The following OSTC variants were observed in gnomAD, a reference collection of about 807,000 sequenced individuals.
OSTC encodes oligosaccharyltransferase complex non-catalytic subunit.
A neutral mutation model predicts 16.4 loss-of-function variants in OSTC; 16 were observed. The ratio of observed to expected loss-of-function variants is 0.98; its 90% CI spans 0.66 to 1.49. The LOEUF (loss-of-function observed/expected upper bound fraction) is 1.49, where lower values mean the gene tolerates loss of function less well. OSTC is among the 40% of genes most tolerant of loss of function. The probability of loss-of-function intolerance (pLI) is 0.00; values close to 1 mark genes in which losing one functional copy is unlikely to be tolerated. For synonymous variants in OSTC, 67 were observed against 68.5 expected, an observed-to-expected ratio of 0.98 and a Z score of 0.11; for missense variants, 139 against 186.3, an observed-to-expected ratio of 0.75 and a Z score of 1.48.
Position 108,657,746 on chromosome 4 carries a change from C to T in OSTC, c.431+99C>T, listed in dbSNP as rs1726747535. 7 of 1,115,714 alleles carry T rather than the reference C, an allele frequency of 6.3e-6. No homozygotes were observed. In the South Asian group the frequency reaches 1.1e-4, roughly 18 times the overall value. The allele number at this position is 1,115,714 out of a possible 1,614,324, so 69.1% of individuals were successfully genotyped here. The stretch of plus-strand genomic sequence containing the variant: ...GGACATTTAATTTAACTTTCATTTA[C>T]ATGGGTGAAAAATCCAGAAACCAAA... On this transcript the variant is annotated intron_variant, in intron 3 of 3. Transcript: ENST00000361564.
chr4:108,663,090 A>T (rs1726898347), intron 3 of OSTC: 1 of 402,848 alleles, frequency 2.5e-6, no homozygotes, highest in African/African-American at 2.1e-5. Context: ...GTGTGCTCTC[A>T]ATCATAATGT....
chr4:108,653,013 T>G lies in OSTC; in HGVS notation c.139+2219T>G, dbSNP rs149057023. Reference sequence around the variant, plus strand: ...GAGATGGTGCCACTGCACTCCAGCCTGGGCAACAGAGCAAGGCCCTGTTTC... The same window carrying G: ...GAGATGGTGCCACTGCACTCCAGCCGGGGCAACAGAGCAAGGCCCTGTTTC... On this transcript the variant is annotated intron_variant, in intron 1 of 3. Transcript: ENST00000361564. Among the ~76,000 whole-genome samples, 5 of 152,064 alleles carry G rather than the reference T, an allele frequency of 3.3e-5. No individual in the cohort carries two copies. In the East Asian group the frequency reaches 9.7e-4, roughly 30 times the overall value.
chr4:108,658,648 G>A (rs1365450927), intron 3 of OSTC, among the ~76,000 whole-genome samples: 2 of 152,028 alleles, frequency 1.3e-5, no homozygotes, highest in Non-Finnish European at 2.9e-5. Context: ...GTAACGACAG[G>A]AAATTTGGGC....
intron 3 of OSTC, among the ~76,000 whole-genome samples, chr4:108,664,595 ATT>A (rs1212882686): frequency 1.4e-5 from 2 of 144,232 alleles, no homozygotes; most frequent in Non-Finnish European, 1.5e-5. Context: ...TTAATTTTTA[ATT>A]TTTTTTTTTT....
At chr4:108,657,710 G>A in intron 3 of OSTC, 63 bp downstream of exon 3, 1 of 1,402,890 alleles carries the variant, frequency 7.1e-7, no homozygotes, top group African/African-American at 1.4e-5. Context: ...CCTGGAAAAT[G>A]TAAAGTCATA....
Position 108,658,224 on chromosome 4 carries a change from G to A in OSTC, c.431+577G>A, listed in dbSNP as rs141108707. The stretch of plus-strand genomic sequence containing the variant: ...TGGGATTATAGGCATGAGCTACGGC[G>A]CCCAGCTGTCACTGTTACTTTAAAA... On this transcript the variant is annotated intron_variant, in intron 3 of 3. Transcript: ENST00000361564. Among the ~76,000 whole-genome samples the A allele has an allele frequency of 8.2e-3, 1,252 of 152,094 alleles. 10 individuals are homozygous for A. Among genetic ancestry groups the A allele is most frequent in the Non-Finnish European group, 0.013 (910 of 67,996 alleles).
intron 3 of OSTC, among the ~76,000 whole-genome samples, chr4:108,661,611 C>CT (rs919644455): frequency 3.3e-5 from 5 of 151,490 alleles, no homozygotes; most frequent in Admixed American, 6.6e-5. Context: ...TTCTTTTTTC[C>CT]TTTTTTGAGA....
At chr4:108,658,866 T>C (rs1373648889) in intron 3 of OSTC, among the ~76,000 whole-genome samples, 2 of 152,052 alleles carry the variant, frequency 1.3e-5, no homozygotes, top group East Asian at 1.9e-4. Context: ...ACAATCATCA[T>C]GTTCCCATTT....
At chr4:108,655,691 G>A in intron 2 of OSTC, 34 bp downstream of exon 2, 2 of 1,476,978 alleles carry the variant, frequency 1.4e-6, no homozygotes, top group South Asian at 1.2e-5. Context: ...TTTGGTGGTG[G>A]GAAAGAAGGT....
rs570687940 is a variant in OSTC at position 108,655,338 on chromosome 4, C to T, written c.140-226C>T. On this transcript the variant is annotated intron_variant, in intron 1 of 3. Coordinates refer to ENST00000361564, the MANE Select transcript of OSTC (RefSeq NM_021227.4). ...AAAATTAGCTGGGCATGGTGGTGGG[C>T]GCCTGTAGTCCCAGCTACTTGGGAG... is the stretch of plus-strand genomic sequence containing the variant. Among the ~76,000 whole-genome samples, 7 of 152,054 alleles carry T rather than the reference C, an allele frequency of 4.6e-5. No homozygotes were observed. In the South Asian group the frequency reaches 1.0e-3, roughly 23 times the overall value.
intron 3 of OSTC, among the ~76,000 whole-genome samples, chr4:108,658,733 A>G (rs1237643071): frequency 2.0e-5 from 3 of 152,218 alleles, no homozygotes; most frequent in African/African-American, 4.8e-5. Flanking sequence ...TTAAACATCA[A>G]GTGTCAACTA....
At chr4:108,666,286 T>G (rs1171141976) in intron 3 of OSTC, among the ~76,000 whole-genome samples, 8 of 152,230 alleles carry the variant, frequency 5.3e-5, no homozygotes. Flanking sequence ...AAAAAAAATT[T>G]TGATTTTGTT....
intron 1 of OSTC, among the ~76,000 whole-genome samples, chr4:108,654,785 A>G (rs2110381854): frequency 6.6e-6 from 1 of 152,346 alleles, no homozygotes; most frequent in South Asian, 2.1e-4. Flanking sequence ...ATAATGGTGG[A>G]CATTAATGTT....
chr4:108,657,495 A>G lies in OSTC; in HGVS notation c.279A>G (p.Leu93=), dbSNP rs1008777570. The part of the protein sequence containing the change: ...YIMEGLASSF[L]FTMGGLGFII... ...TGGAAGGACTTGCATCCAGCTTCCTATTTACAATGGGAGGTTTAGGTTTCA... is the reference window on the plus strand; with the variant it reads ...TGGAAGGACTTGCATCCAGCTTCCTGTTTACAATGGGAGGTTTAGGTTTCA... Residue 93 remains leucine (L), a synonymous_variant, in exon 3 of 4, where the codon CTA becomes CTG. Coordinates refer to ENST00000361564, the MANE Select transcript of OSTC (RefSeq NM_021227.4). The G allele has an allele frequency of 6.2e-7, 1 of 1,613,678 alleles. No individual in the cohort carries two copies. Among genetic ancestry groups the G allele is most frequent in the Non-Finnish European group, 8.5e-7 (1 of 1,179,684 alleles).
intron 1 of OSTC, among the ~76,000 whole-genome samples, chr4:108,655,175 A>G (rs1401446348): frequency 6.6e-6 from 1 of 152,230 alleles, no homozygotes; most frequent in East Asian, 1.9e-4. Flanking sequence ...TTAAAAGTAA[A>G]TGAAACTTGG....
intron 3 of OSTC, among the ~76,000 whole-genome samples, chr4:108,659,123 C>CTCA (rs1726789119): frequency 1.3e-5 from 2 of 151,568 alleles, no homozygotes; most frequent in Non-Finnish European, 2.9e-5. Context: ...GGATTACAGG[C>CTCA]GCCCGCCACC....
intron 1 of OSTC, among the ~76,000 whole-genome samples, chr4:108,651,765 T>A (rs1726556814): frequency 6.6e-6 from 1 of 152,210 alleles, no homozygotes; most frequent in Non-Finnish European, 1.5e-5. Flanking sequence ...ATAGCAAAAG[T>A]AGTTCTACTT....
chr4:108,657,721 G>A (rs1158943727), intron 3 of OSTC, 74 bp downstream of exon 3: 1 of 1,310,778 alleles, frequency 7.6e-7, no homozygotes, highest in Non-Finnish European at 1.0e-6. Context: ...TAAAGTCATA[G>A]GACATTTAAT....
At chr4:108,663,775 T>A (rs1300273637) in intron 3 of OSTC, among the ~76,000 whole-genome samples, 3 of 152,212 alleles carry the variant, frequency 2.0e-5, no homozygotes. Context: ...CTTCTATTAG[T>A]GCTAACCTAG....
Sources: gnomAD v4.1 joint callset for allele counts (sites outside exome capture counted in the v4.1 genomes callset) on GRCh38, gnomAD v4.1.1 for gene constraint, MANE v1.5 for transcripts, NCBI Gene and HGNC (gene_info 2026-07-23, HGNC 2026-07-21) for gene names.